The following COL4A6 variants were observed in gnomAD, a reference collection of about 807,000 sequenced individuals.
COL4A6 encodes collagen alpha-6(IV) chain.
COL4A6 carries 59 observed loss-of-function variants against 126.7 expected under a neutral mutation model. The ratio of observed to expected loss-of-function variants is 0.47; its 90% CI spans 0.38 to 0.58. COL4A6 has a LOEUF of 0.58. COL4A6 is among the 20% of genes least tolerant of loss of function. The pLI is 0.00. For missense variants in COL4A6, 1,285 were observed against 1,337.3 expected (o/e 0.96, Z 0.61); for synonymous variants, 547 against 496.6 (o/e 1.10, Z -1.35).
intron 2 of COL4A6, among the ~76,000 whole-genome samples, chrX:108,401,494 C>G (rs2041086876): frequency 1.8e-5 from 2 of 110,361 alleles, no homozygotes; most frequent in Non-Finnish European, 1.9e-5. Flanking sequence ...ATAATATGTA[C>G]AGTATGGTCA....
intron 2 of COL4A6, among the ~76,000 whole-genome samples, chrX:108,395,177 G>C (rs932927944): frequency 9.0e-6 from 1 of 111,370 alleles, no homozygotes; most frequent in South Asian, 3.8e-4. Flanking sequence ...ACTACTGAAA[G>C]ATCAAGGGCA....
At chrX:108,292,992 G>GAAAAAAAAAAAAA (rs2038206236) in intron 3 of COL4A6, among the ~76,000 whole-genome samples, 1 of 10,455 alleles carries the variant, frequency 9.6e-5, no homozygotes, top group African/African-American at 4.6e-4. Context: ...AAGGAAAAAA[G>GAAAAAAAAAAAAA]CAAAAAAAAA....
intron 2 of COL4A6, among the ~76,000 whole-genome samples, chrX:108,361,274 A>T (rs1333584617): frequency 9.0e-6 from 1 of 111,164 alleles, no homozygotes; most frequent in East Asian, 2.8e-4. Flanking sequence ...ATCACATTGC[A>T]CTCAGCTTAA....
chrX:108,223,603 T>C (rs2036082382), intron 3 of COL4A6, among the ~76,000 whole-genome samples: 1 of 111,307 alleles, frequency 9.0e-6, no homozygotes, highest in Non-Finnish European at 1.9e-5. Flanking sequence ...GAAGCGGGCC[T>C]GGAAAGCACC....
At chrX:108,319,841 G>C (rs964947384) in intron 2 of COL4A6, among the ~76,000 whole-genome samples, 1 of 111,952 alleles carries the variant, frequency 8.9e-6, no homozygotes, top group Non-Finnish European at 1.9e-5. Context: ...TGTTAAGATT[G>C]GAGATATTGA....
At chrX:108,365,985 A>C (rs1261285689) in intron 2 of COL4A6, among the ~76,000 whole-genome samples, 1 of 111,691 alleles carries the variant, frequency 9.0e-6, no homozygotes, top group African/African-American at 3.3e-5. Context: ...AGAGGGGTCT[A>C]ATAAAGGCAT....
chrX:108,367,542 T>C (rs1411018414), intron 2 of COL4A6, among the ~76,000 whole-genome samples: 3 of 111,996 alleles, frequency 2.7e-5, no homozygotes, highest in Non-Finnish European at 5.6e-5. Flanking sequence ...CAGTGATCTT[T>C]CTGGACTGAG....
chrX:108,351,474 GTGTA>G (rs1373840787), intron 2 of COL4A6, among the ~76,000 whole-genome samples: 1 of 109,866 alleles, frequency 9.1e-6, no homozygotes, highest in East Asian at 2.9e-4. Context: ...GTGTGTGTGT[GTGTA>G]TGTGTGTATG....
At chrX:108,213,770 C>A (rs999819858) in intron 6 of COL4A6, 2 of 183,077 alleles carry the variant, frequency 1.1e-5, no homozygotes, top group African/African-American at 6.2e-5. Flanking sequence ...ATAAGTCTTC[C>A]AAACATTCCT....
chrX:108,292,170 G>A lies in COL4A6; in HGVS notation c.144+18578C>T, dbSNP rs990322252. Reference sequence around the variant, plus strand: ...CATTTATAGCATTGTTCTTATGGAAGCAATTTTCTTCGAATATCACTTGTA... The same window carrying A: ...CATTTATAGCATTGTTCTTATGGAAACAATTTTCTTCGAATATCACTTGTA... On this transcript the variant is annotated intron_variant, in intron 3 of 44. Coordinates refer to ENST00000334504, the MANE Select transcript of COL4A6 (RefSeq NM_033641.4). 7.1e-5 allele frequency among the ~76,000 whole-genome samples: 8 copies of A among 112,028 alleles called. 1 individual carries two copies. In the Admixed American group the frequency reaches 7.6e-4, roughly 11 times the overall value.
intron 2 of COL4A6, among the ~76,000 whole-genome samples, chrX:108,424,695 C>A (rs1385719608): frequency 9.0e-6 from 1 of 111,712 alleles, no homozygotes; most frequent in Non-Finnish European, 1.9e-5. Context: ...GGCAGTTCCA[C>A]AATATCAGAT....
chrX:108,274,813 A>C (rs2037553184), intron 3 of COL4A6, among the ~76,000 whole-genome samples: 1 of 111,493 alleles, frequency 9.0e-6, no homozygotes, highest in African/African-American at 3.3e-5. Flanking sequence ...GCCCTCTCAC[A>C]GCATGAAGAT....
rs761169412 is a variant in COL4A6, at chrX:108,429,538, T to C, written c.63+8404A>G. 2.1e-4 allele frequency among the ~76,000 whole-genome samples: 24 copies of C among 111,772 alleles called. 1 individual carries two copies. In the South Asian group the frequency reaches 8.3e-3, roughly 39 times the overall value. On this transcript the variant is annotated intron_variant, in intron 2 of 44. Transcript: ENST00000334504. ...AATGAAATAAGATCAGTGAATGTTA[T>C]CAATGTCAGTATCTGGGTTGTGATA...
chrX:108,366,184 TCCTC>T (rs1287984013), intron 2 of COL4A6, among the ~76,000 whole-genome samples: 1 of 111,859 alleles, frequency 8.9e-6, no homozygotes. Flanking sequence ...TGCCACCTGA[TCCTC>T]CCAACAACCC....
chrX:108,253,742 T>C (rs749015661), intron 3 of COL4A6, among the ~76,000 whole-genome samples: 1 of 111,955 alleles, frequency 8.9e-6, no homozygotes, highest in African/African-American at 3.2e-5. Flanking sequence ...CAGGACAGGA[T>C]GGAACGTATC....
At chrX:108,301,632 C>T (rs764819352) in intron 3 of COL4A6, among the ~76,000 whole-genome samples, 34 of 111,608 alleles carry the variant, frequency 3.0e-4, no homozygotes, top group Non-Finnish European at 5.3e-4. Flanking sequence ...GAATGGAACA[C>T]TTGATTTAAA....
intron 44 of COL4A6, among the ~76,000 whole-genome samples, 163 bp downstream of exon 44, chrX:108,159,299 C>CCATT (rs2033841116): frequency 8.9e-6 from 1 of 112,664 alleles, no homozygotes; most frequent in East Asian, 2.8e-4. Flanking sequence ...TAACTACCTG[C>CCATT]CATTCATGCA....
At chrX:108,346,052 C>T (rs987163122) in intron 2 of COL4A6, among the ~76,000 whole-genome samples, 1 of 111,106 alleles carries the variant, frequency 9.0e-6, no homozygotes, top group African/African-American at 3.3e-5. Context: ...GAAACACCCC[C>T]GCACCCCCCA....
intron 2 of COL4A6, among the ~76,000 whole-genome samples, chrX:108,346,665 C>T (rs1255814506): frequency 2.7e-5 from 3 of 112,350 alleles, no homozygotes; most frequent in Admixed American, 1.9e-4. Context: ...TTGATACAAA[C>T]AAGAGTAACA....
Sources: gnomAD v4.1 joint callset for allele counts (sites outside exome capture counted in the v4.1 genomes callset) on GRCh38, gnomAD v4.1.1 for gene constraint, MANE v1.5 for transcripts, NCBI Gene and HGNC (gene_info 2026-07-23, HGNC 2026-07-21) for gene names.